MED27: variants seen among roughly 807,000 people sequenced by gnomAD.
MED27 encodes the protein mediator complex subunit 27, also known as mediator of RNA polymerase II transcription subunit 27.
A neutral mutation model predicts 38.2 loss-of-function variants in MED27; 30 were observed. That is an observed-to-expected ratio of 0.79 (90% CI 0.59 to 1.07). The LOEUF (loss-of-function observed/expected upper bound fraction) is 1.07. Ranked by LOEUF, MED27 falls within the 50% of genes least tolerant of loss-of-function variation. The probability of loss-of-function intolerance (pLI) is 0.00; values close to 1 mark genes in which losing one functional copy is unlikely to be tolerated. For missense variants in MED27, 289 were observed against 397.5 expected, an observed-to-expected ratio of 0.73 and a Z score of 2.32; for synonymous variants, 122 against 153.5, an observed-to-expected ratio of 0.79 and a Z score of 1.52.
At chr9:131,927,273 T>C (rs1399055655) in intron 4 of MED27, among the ~76,000 whole-genome samples, 2 of 152,316 alleles carry the variant, frequency 1.3e-5, no homozygotes, top group African/African-American at 4.8e-5. Context: ...AAGTTTAGAT[T>C]TGACATTAGC....
chr9:132,011,598 T>C (rs779077951), intron 3 of MED27, among the ~76,000 whole-genome samples: 22 of 152,004 alleles, frequency 1.4e-4, no homozygotes, highest in Non-Finnish European at 1.8e-4. Flanking sequence ...GCTCAGGAGT[T>C]TGAGGCTGCA....
At chr9:131,925,784 G>A (rs115613186) in intron 4 of MED27, among the ~76,000 whole-genome samples, 65 of 152,352 alleles carry the variant, frequency 4.3e-4, no homozygotes, top group African/African-American at 1.6e-3. Flanking sequence ...CTGCGGGGGC[G>A]GTGGGGGGCA....
chr9:131,966,198 T>TAAAAAA (rs1564303381), intron 3 of MED27, among the ~76,000 whole-genome samples: 2 of 88,482 alleles, frequency 2.3e-5, no homozygotes, highest in African/African-American at 4.2e-5. Context: ...GCCTGTTTCT[T>TAAAAAA]TAAAAAAAAA....
At chr9:131,962,187 G>A (rs1469108936) in intron 3 of MED27, among the ~76,000 whole-genome samples, 1 of 152,178 alleles carries the variant, frequency 6.6e-6, no homozygotes, top group African/African-American at 2.4e-5. Flanking sequence ...TCTTCCAAAA[G>A]GCAGATTTAA....
intron 4 of MED27, among the ~76,000 whole-genome samples, chr9:131,908,248 G>A (rs13293915): frequency 6.7e-6 from 1 of 148,356 alleles, no homozygotes; most frequent in African/African-American, 2.5e-5. Flanking sequence ...GTCCGGGAGG[G>A]AGGTGGGGGG....
chr9:131,905,701 CAAAAAAAAAAA>C (rs58848280), intron 4 of MED27, among the ~76,000 whole-genome samples: 90 of 60,948 alleles, frequency 1.5e-3, no homozygotes, highest in African/African-American at 6.2e-3. Flanking sequence ...AAGACCTTGT[CAAAAAAAAAAA>C]AAAAAAAAAA....
chr9:131,964,653 C>T (rs1831302601), intron 3 of MED27, among the ~76,000 whole-genome samples: 1 of 152,104 alleles, frequency 6.6e-6, no homozygotes, highest in African/African-American at 2.4e-5. Flanking sequence ...ATACCTAACC[C>T]CCATCCTAAA....
intron 2 of MED27, among the ~76,000 whole-genome samples, chr9:132,043,284 G>C (rs1354988848): frequency 1.4e-5 from 2 of 147,452 alleles, no homozygotes; most frequent in East Asian, 3.9e-4. Context: ...CAACTTACTT[G>C]ACCTTTTAAG....
intron 2 of MED27, among the ~76,000 whole-genome samples, chr9:132,027,237 A>G (rs1414843198): frequency 6.6e-6 from 1 of 152,204 alleles, no homozygotes; most frequent in Non-Finnish European, 1.5e-5. Context: ...CTGGTTACCC[A>G]GGTAGTAAGG....
chr9:131,986,516 T>C (rs1177931462), intron 3 of MED27, among the ~76,000 whole-genome samples: 2 of 152,154 alleles, frequency 1.3e-5, no homozygotes, highest in South Asian at 4.1e-4. Flanking sequence ...GTATTTTTAC[T>C]ATACATTTAC....
At chr9:132,036,207 GT>G (rs931889063) in intron 2 of MED27, among the ~76,000 whole-genome samples, 1 of 151,814 alleles carries the variant, frequency 6.6e-6, no homozygotes, top group African/African-American at 2.4e-5. Context: ...TTACTGTTTT[GT>G]TTTTTTGTTT....
rs182253432 is a variant in MED27, at chr9:132,067,240, C to T, written c.348+10202G>A. ...AGCCCTGTGAGATCAGCGCCATGCC[C>T]ATTTCACAGTCCAGCAGGTGTCAGG... On this transcript the variant is annotated intron_variant, in intron 2 of 7. Transcript: ENST00000292035. 2.0e-5 allele frequency among the ~76,000 whole-genome samples: 3 copies of T among 152,320 alleles called. No homozygotes were observed. In the East Asian group the frequency reaches 5.8e-4, roughly 29 times the overall value.
intron 3 of MED27, among the ~76,000 whole-genome samples, chr9:132,007,440 A>C (rs1832383282): frequency 1.3e-5 from 2 of 152,228 alleles, no homozygotes; most frequent in Admixed American, 1.3e-4. Context: ...AGAAGAAATC[A>C]GAAGGAAAAT....
chr9:131,916,015 C>T (rs1270772194), intron 4 of MED27, among the ~76,000 whole-genome samples: 1 of 152,176 alleles, frequency 6.6e-6, no homozygotes, highest in East Asian at 1.9e-4. Flanking sequence ...CAATATAATA[C>T]AATTTATATA....
intron 2 of MED27, among the ~76,000 whole-genome samples, chr9:132,065,543 G>A (rs1833791580): frequency 6.6e-6 from 1 of 152,200 alleles, no homozygotes; most frequent in Non-Finnish European, 1.5e-5. Context: ...TCTCTTTCAT[G>A]AGACACCCCG....
At chr9:131,943,664 C>A (rs899182306) in intron 3 of MED27, among the ~76,000 whole-genome samples, 1 of 152,174 alleles carries the variant, frequency 6.6e-6, no homozygotes, top group Non-Finnish European at 1.5e-5. Flanking sequence ...GCAGACGCGG[C>A]GCGGAAAGAC....
intron 2 of MED27, among the ~76,000 whole-genome samples, chr9:132,065,810 G>A (rs769199326): frequency 2.0e-5 from 3 of 152,208 alleles, no homozygotes; most frequent in Middle Eastern, 3.2e-3. Flanking sequence ...GGTGTCGCCC[G>A]GGGGAAAAGG....
At position 131,888,477 on chromosome 9, in the gene MED27, GC is replaced by G. The variant is rs149061129; in HGVS notation, c.682-4379del. 1.5e-3 allele frequency among the ~76,000 whole-genome samples: 222 copies of G among 152,302 alleles called. 7 individuals are homozygous for G. The East Asian group carries it at 0.039, about 27-fold the overall frequency. On this transcript the variant is annotated intron_variant, in intron 5 of 7. Coordinates refer to ENST00000292035, the MANE Select transcript of MED27 (RefSeq NM_004269.4). ...TGTCACTTGCGCAGCTCTTCTGGGA[GC>G]ATAGTTCTGCTTTGAGGCCTGCTGC... is the stretch of plus-strand genomic sequence containing the variant.
In MED27 at chr9:131,883,780, A is replaced by G. The variant is rs961232467; in HGVS notation, c.723+278T>C. On this transcript the variant is annotated intron_variant, in intron 6 of 7. Coordinates refer to ENST00000292035, the MANE Select transcript of MED27 (RefSeq NM_004269.4). This position sits in a 1 kb window ranked among gnomAD's most constrained non-coding sequence, Gnocchi z 4.2. ...TGTACGGCTGTGTAACACCGCCACA[A>G]TTAAGATAAAGAATATTCCCACCAC... Among the ~76,000 whole-genome samples the G allele has an allele frequency of 1.3e-5, 2 of 152,204 alleles. No homozygotes were observed. The highest frequency in any genetic ancestry group is 2.9e-5 in the Non-Finnish European group (2 of 68,036).
Sources: allele counts gnomAD v4.1 joint callset (sites outside exome capture counted in the v4.1 genomes callset), GRCh38; gene constraint gnomAD v4.1.1; non-coding constraint Gnocchi (gnomAD v3.1); transcripts MANE v1.5; gene names NCBI Gene and HGNC (gene_info 2026-07-23, HGNC 2026-07-21).